TCHP: variants seen among roughly 807,000 people sequenced by gnomAD.
TCHP encodes the protein trichoplein keratin filament binding.
Under a neutral mutation model 88.7 loss-of-function variants are expected in TCHP, and 81 were observed. That is an observed-to-expected ratio of 0.91 (90% confidence interval 0.76 to 1.10). The LOEUF is 1.10. Among genes scored for constraint, TCHP ranks in the 50% least tolerant of loss-of-function variants. TCHP has a pLI of 0.00. For missense variants in TCHP, 641 were observed against 632.1 expected, an observed-to-expected ratio of 1.01 and a Z score of -0.15; for synonymous variants, 232 against 232.5, an observed-to-expected ratio of 1.00 and a Z score of 0.02.
At chr12:109,882,278 C>T in the TCHP span, among the ~76,000 whole-genome samples, 2 of 151,676 alleles carry the variant, frequency 1.3e-5, no homozygotes, top group African/African-American at 4.8e-5. Flanking sequence ...CTAACAAATA[C>T]AAAAGTTAGC....
Position 109,903,963 on chromosome 12 carries a change from TGAAGGA to T in TCHP, c.217_222del (p.Lys73_Glu74del). ...ATGCATGCCTATCAGCGGGAGAAGA[TGAAGGA>T]GGAGAAGAGGAGGAGTCTGGAGGCC... On this transcript the variant is annotated inframe_deletion, in exon 3 of 13. Transcript: ENST00000405876. The surrounding 1 kb of genome is among the most constrained non-coding windows in gnomAD (Gnocchi z 4.6). 1.2e-6 allele frequency: 2 copies of T among 1,609,548 alleles called. No homozygotes were observed. The highest frequency in any genetic ancestry group is 1.7e-5 in the Admixed American group (1 of 59,502).
chr12:109,882,598 G>C, the TCHP span, among the ~76,000 whole-genome samples: 3 of 151,572 alleles, frequency 2.0e-5, no homozygotes, highest in African/African-American at 4.9e-5. Context: ...AGGGAGGTGG[G>C]CAGAGGCTGG....
At chr12:109,912,952 G>C (rs754498984) in intron 9 of TCHP, 39 bp from the exon 10 acceptor site, 5 of 1,578,624 alleles carry the variant, frequency 3.2e-6, no homozygotes, top group Non-Finnish European at 4.4e-6. Context: ...CTGCCAGGGC[G>C]GGGAGGAGCC....
chr12:109,916,368 G>A (rs117159041), intron 12 of TCHP, among the ~76,000 whole-genome samples: 2 of 152,284 alleles, frequency 1.3e-5, no homozygotes, highest in East Asian at 3.9e-4. Flanking sequence ...AGAGTGTCAG[G>A]GTCAGGGTTT....
chr12:109,893,982 A>G, the TCHP span, among the ~76,000 whole-genome samples: 1 of 152,054 alleles, frequency 6.6e-6, no homozygotes, highest in Non-Finnish European at 1.5e-5. Flanking sequence ...TCAGAAGTTC[A>G]AGACCAGCCT....
intron 11 of TCHP, chr12:109,915,137 G>A (rs959411669): frequency 5.4e-6 from 3 of 559,080 alleles, no homozygotes; most frequent in Admixed American, 3.1e-5. Flanking sequence ...AGCTTTCCAC[G>A]AGGTACACGC....
the TCHP span, among the ~76,000 whole-genome samples, chr12:109,889,964 G>A: frequency 3.3e-5 from 5 of 152,170 alleles, no homozygotes; most frequent in Non-Finnish European, 5.9e-5. Flanking sequence ...ATGCGAAGGC[G>A]CACCCGCCAA....
intron 11 of TCHP, 174 bp from the exon 12 acceptor site, chr12:109,915,210 TCTATGAGGTACACACCATG>T: frequency 9.9e-6 from 7 of 707,610 alleles, no homozygotes; most frequent in Non-Finnish European, 1.7e-5. Flanking sequence ...TCTCCAGCTT[TCTATGAGGTACACACCATG>T]CATACAGCCT....
At chr12:109,915,277 T>A (rs1467297502) in intron 11 of TCHP, 126 bp from the exon 12 acceptor site, 1 of 1,293,650 alleles carries the variant, frequency 7.7e-7, no homozygotes, top group African/African-American at 1.5e-5. Flanking sequence ...CCTTGGCACG[T>A]GCATTGCTGT....
chr12:109,898,374 T>C (rs1430380193), upstream of TCHP, among the ~76,000 whole-genome samples: 1 of 152,092 alleles, frequency 6.6e-6, no homozygotes, highest in Non-Finnish European at 1.5e-5. Flanking sequence ...CACGCCCAGC[T>C]AATTTTTATA....
chr12:109,907,427 A>T (rs2271317), intron 5 of TCHP, 99 bp from the exon 6 acceptor site: 123,413 of 1,256,166 alleles, frequency 0.098, 11,341 homozygotes, highest in African/African-American at 0.47. Flanking sequence ...TCAGGCAGGA[A>T]CTGCCTGGGC....
intron 7 of TCHP, 76 bp from the exon 8 acceptor site, chr12:109,908,795 C>G: frequency 6.4e-7 from 1 of 1,570,756 alleles, no homozygotes; most frequent in Non-Finnish European, 8.7e-7. Flanking sequence ...AGGAGACAGC[C>G]TGGTCAGCAG....
intron 9 of TCHP, among the ~76,000 whole-genome samples, chr12:109,912,316 G>A (rs889424353): frequency 3.3e-4 from 50 of 152,178 alleles, no homozygotes; most frequent in African/African-American, 1.2e-3. Context: ...ACTTGAAGAG[G>A]TCACTCCGTC....
At chr12:109,886,861 G>A in the TCHP span, among the ~76,000 whole-genome samples, 4 of 151,656 alleles carry the variant, frequency 2.6e-5, no homozygotes, top group Middle Eastern at 3.4e-3. Context: ...GGTGTGCACC[G>A]CCACGCCCGG....
Position 109,903,261 on chromosome 12 carries a change from C to CA in TCHP, c.188+47_188+48insA. 6.4e-7 allele frequency: 1 copy of CA among 1,560,210 alleles called. No homozygotes were observed. The highest frequency in any genetic ancestry group is 8.8e-7 in the Non-Finnish European group (1 of 1,140,748). ...ATTGGATGGAAGTGGGGACCACTTGCTGGTCAGGGGATGAGGCCTTAAGGA... is the reference window on the plus strand; with the variant it reads ...ATTGGATGGAAGTGGGGACCACTTGCATGGTCAGGGGATGAGGCCTTAAGGA... On this transcript the variant is annotated intron_variant, in intron 2 of 12. Coordinates refer to ENST00000405876, the MANE Select transcript of TCHP (RefSeq NM_001143852.2). This position sits in a 1 kb window ranked among gnomAD's most constrained non-coding sequence, Gnocchi z 4.6.
At chr12:109,883,517 A>G in the TCHP span, among the ~76,000 whole-genome samples, 7 of 152,090 alleles carry the variant, frequency 4.6e-5, no homozygotes, top group Non-Finnish European at 7.4e-5. Flanking sequence ...CAAGCCATCA[A>G]CTAGGCTTGT....
chr12:109,913,018 G>A lies in TCHP; in HGVS notation c.1080G>A (p.Lys360=), dbSNP rs1282133230. ...LREEAKEMWE[K]REAEWARERS... ...AGGAGGCCAAGGAGATGTGGGAAAA[G>A]AGAGAGGCAGAGTGGGCCCGAGAGC... The change falls in exon 10 of 13, where the codon AAG becomes AAA. Residue 360 remains lysine (K), a synonymous_variant. Coordinates refer to ENST00000405876, the MANE Select transcript of TCHP (RefSeq NM_001143852.2). 2 of 1,613,960 alleles carry A rather than the reference G, an allele frequency of 1.2e-6. No homozygotes were observed. Among genetic ancestry groups the A allele is most frequent in the Non-Finnish European group, 1.7e-6 (2 of 1,180,020 alleles).
Position 109,916,633 on chromosome 12 carries a change from T to C in TCHP, c.*10T>C. 1.2e-6 allele frequency: 2 copies of C among 1,613,012 alleles called. No individual in the cohort carries two copies. Among genetic ancestry groups the C allele is most frequent in the Non-Finnish European group, 1.7e-6 (2 of 1,179,518 alleles). Reference sequence around the variant, plus strand: ...AATTGCTTGGAACTGACTTCATGGGTACCATAAGTACAGAGAACAAGGGAT... The same window carrying C: ...AATTGCTTGGAACTGACTTCATGGGCACCATAAGTACAGAGAACAAGGGAT... On this transcript the variant is annotated 3_prime_UTR_variant, in exon 13 of 13. Coordinates refer to ENST00000405876, the MANE Select transcript of TCHP (RefSeq NM_001143852.2).
intron 1 of TCHP, 51 bp downstream of exon 1, chr12:109,900,477 G>T (rs948869379): frequency 3.9e-5 from 6 of 152,268 alleles, no homozygotes; most frequent in African/African-American, 9.6e-5. Context: ...GCGGGGGCCC[G>T]CAGGCGGCCC....
Sources: gnomAD v4.1 joint callset for allele counts (sites outside exome capture counted in the v4.1 genomes callset) on GRCh38, gnomAD v4.1.1 for gene constraint, Gnocchi (gnomAD v3.1) non-coding constraint, MANE v1.5 for transcripts, NCBI Gene and HGNC (gene_info 2026-07-23, HGNC 2026-07-21) for gene names.